The following SMAD3 variants were observed in gnomAD, a reference collection of about 807,000 sequenced individuals.
SMAD3 encodes MAD homolog 3.
Under a neutral mutation model 51.8 loss-of-function variants are expected in SMAD3, and 12 were observed. The observed-to-expected ratio is 0.23, with a 90% confidence interval of 0.15 to 0.38. The LOEUF (loss-of-function observed/expected upper bound fraction) is 0.38, where lower values mean the gene tolerates loss of function less well. Among genes scored for constraint, SMAD3 ranks in the 10% least tolerant of loss-of-function variants. The probability of loss-of-function intolerance (pLI) is 1.00; values close to 1 mark genes in which losing one functional copy is unlikely to be tolerated. For missense variants in SMAD3, 294 were observed against 565.6 expected, an observed-to-expected ratio of 0.52 and a Z score of 4.87; for synonymous variants, 238 against 227.7, an observed-to-expected ratio of 1.05 and a Z score of -0.41.
At chr15:67,129,695 G>GT (rs1961475910) in intron 1 of SMAD3, among the ~76,000 whole-genome samples, 1 of 152,180 alleles carries the variant, frequency 6.6e-6, no homozygotes, top group Non-Finnish European at 1.5e-5. Flanking sequence ...AATGTAAAGA[G>GT]AGGGTGAAAT....
intron 1 of SMAD3, among the ~76,000 whole-genome samples, chr15:67,130,312 C>A (rs941861229): frequency 2.0e-5 from 3 of 152,182 alleles, no homozygotes; most frequent in Non-Finnish European, 4.4e-5. Context: ...ACTCACCTGA[C>A]CTCCTTCTCT....
chr15:67,134,754 G>C (rs752729011), intron 1 of SMAD3, among the ~76,000 whole-genome samples: 52 of 152,238 alleles, frequency 3.4e-4, no homozygotes, highest in Non-Finnish European at 1.5e-4. Context: ...ACACGGAGTT[G>C]TCAAGGATCA....
At chr15:67,166,255 G>C in intron 3 of SMAD3, 1 of 786,402 alleles carries the variant, frequency 1.3e-6, no homozygotes, top group Non-Finnish European at 1.6e-6. Context: ...GGGTCTGGGG[G>C]AGGTTTCAGA....
chr15:67,185,195 G>A (rs28571863), intron 7 of SMAD3, among the ~76,000 whole-genome samples: 1 of 152,328 alleles, frequency 6.6e-6, no homozygotes, highest in African/African-American at 2.4e-5. Context: ...AGGTGCTGTA[G>A]GGGATGAAGA....
At chr15:67,125,543 A>G (rs899461829) in intron 1 of SMAD3, among the ~76,000 whole-genome samples, 1 of 152,212 alleles carries the variant, frequency 6.6e-6, no homozygotes, top group East Asian at 1.9e-4. Context: ...GAATGATAGG[A>G]GTTAACCACT....
chr15:67,082,597 A>G lies in SMAD3; in HGVS notation c.206+16237A>G, dbSNP rs528039971. Among the ~76,000 whole-genome samples, 5 of 152,372 alleles carry G rather than the reference A, an allele frequency of 3.3e-5. No individual in the cohort carries two copies. The South Asian group carries it at 8.3e-4, about 25-fold the overall frequency. The stretch of plus-strand genomic sequence containing the variant: ...TGAAAGCATATATATAGGAAGACAT[A>G]AAAATTCTATAAATGTTTAGTGGTT... On this transcript the variant is annotated intron_variant, in intron 1 of 8. Transcript: ENST00000327367.
chr15:67,099,933 G>A (rs1372782780), intron 1 of SMAD3, among the ~76,000 whole-genome samples: 1 of 152,224 alleles, frequency 6.6e-6, no homozygotes, highest in Non-Finnish European at 1.5e-5. Flanking sequence ...TGTAATCCCA[G>A]CACTTTGGGA....
chr15:67,180,396 C>T (rs2140312829), intron 5 of SMAD3, among the ~76,000 whole-genome samples: 1 of 151,994 alleles, frequency 6.6e-6, no homozygotes, highest in Non-Finnish European at 1.5e-5. Flanking sequence ...GAGAAGCTGC[C>T]ATTTACTCTT....
At chr15:67,160,628 G>C (rs935945446) in intron 1 of SMAD3, among the ~76,000 whole-genome samples, 6 of 151,888 alleles carry the variant, frequency 4.0e-5, no homozygotes, top group African/African-American at 1.5e-4. Flanking sequence ...AAAATTAGCC[G>C]GGCGCGGTGC....
intron 1 of SMAD3, among the ~76,000 whole-genome samples, chr15:67,141,548 A>G (rs572850144): frequency 6.6e-6 from 1 of 152,288 alleles, no homozygotes; most frequent in Admixed American, 6.5e-5. Flanking sequence ...GGGGATTTGG[A>G]AGCTAGAGCA....
chr15:67,153,777 C>T (rs976606398), intron 1 of SMAD3, among the ~76,000 whole-genome samples: 4 of 152,178 alleles, frequency 2.6e-5, no homozygotes, highest in Admixed American at 1.3e-4. Context: ...GTAGTGCCAA[C>T]GTTGAGAAAC....
At chr15:67,166,242 T>A (rs1320114973) in intron 3 of SMAD3, 21 of 927,452 alleles carry the variant, frequency 2.3e-5, no homozygotes, top group Non-Finnish European at 2.7e-5. Flanking sequence ...AGGGCTTCAG[T>A]CAGGGTCTGG....
chr15:67,090,997 C>A (rs566369951), intron 1 of SMAD3, among the ~76,000 whole-genome samples: 1 of 152,160 alleles, frequency 6.6e-6, no homozygotes, highest in African/African-American at 2.4e-5. Context: ...TGTTAGAGTG[C>A]AGTGCAGGAA....
chr15:67,105,615 C>T (rs1378473428), intron 1 of SMAD3, among the ~76,000 whole-genome samples: 1 of 152,194 alleles, frequency 6.6e-6, no homozygotes, highest in Non-Finnish European at 1.5e-5. Context: ...GTCACTCTGG[C>T]AGCAGAATGA....
At chr15:67,182,140 A>T (rs1963078308) in intron 6 of SMAD3, among the ~76,000 whole-genome samples, 1 of 152,240 alleles carries the variant, frequency 6.6e-6, no homozygotes, top group South Asian at 2.1e-4. Flanking sequence ...GTTGATAAGT[A>T]GGCAGTCATT....
chr15:67,161,874 G>A (rs910427591), intron 1 of SMAD3, among the ~76,000 whole-genome samples: 2 of 152,140 alleles, frequency 1.3e-5, no homozygotes, highest in African/African-American at 4.8e-5. Context: ...CTCCCAGCTA[G>A]GAGAGTAGAA....
intron 1 of SMAD3, among the ~76,000 whole-genome samples, chr15:67,076,726 C>G (rs766565369): frequency 2.6e-5 from 4 of 152,226 alleles, no homozygotes; most frequent in Non-Finnish European, 5.9e-5. Context: ...CAAGCACTTC[C>G]TTTTTCCAGA....
chr15:67,151,570 A>G (rs890493666), intron 1 of SMAD3, among the ~76,000 whole-genome samples: 1 of 152,160 alleles, frequency 6.6e-6, no homozygotes, highest in Non-Finnish European at 1.5e-5. Context: ...TGACCTTGTA[A>G]TCCACCCACC....
chr15:67,166,141 A>T (rs1490455601), intron 3 of SMAD3: 1 of 1,007,754 alleles, frequency 9.9e-7, no homozygotes, highest in Non-Finnish European at 1.2e-6. Context: ...TAAGGAGGAG[A>T]CCCACTGTCC....
Sources: allele counts gnomAD v4.1 joint callset (sites outside exome capture counted in the v4.1 genomes callset), GRCh38; gene constraint gnomAD v4.1.1; transcripts MANE v1.5; gene names NCBI Gene and HGNC (gene_info 2026-07-23, HGNC 2026-07-21).